Variants in CBARP observed in about 807,000 individuals in gnomAD.
The protein encoded by CBARP is voltage-dependent calcium channel beta subunit-associated regulatory protein.
CBARP carries 24 observed loss-of-function variants against 36.3 expected under a neutral mutation model. The observed-to-expected ratio is 0.66, with a 90% CI of 0.48 to 0.93. The LOEUF (loss-of-function observed/expected upper bound fraction) is 0.93, where lower values mean the gene tolerates loss of function less well. CBARP is among the 40% of genes least tolerant of loss of function. The pLI is 0.00. For missense variants in CBARP, 1,146 were observed against 980.4 expected (o/e 1.17, Z -2.26); for synonymous variants, 586 against 453.2 (o/e 1.29, Z -3.72).
At chr19:1,230,969 G>A in intron 9 of CBARP, 132 bp downstream of exon 9, 1 of 1,565,414 alleles carries the variant, frequency 6.4e-7, no homozygotes, top group Non-Finnish European at 8.7e-7. Context: ...TCTGGGAGGG[G>A]CCTTGCCGCT....
At chr19:1,234,841 G>A in intron 5 of CBARP, 99 bp from the exon 6 acceptor site, 1 of 1,518,550 alleles carries the variant, frequency 6.6e-7, no homozygotes, top group South Asian at 1.3e-5. Flanking sequence ...GGCAGGGGCA[G>A]GCGAAAGGGG....
At chr19:1,234,539 C>A in intron 6 of CBARP, 32 bp downstream of exon 6, 1 of 1,570,042 alleles carries the variant, frequency 6.4e-7, no homozygotes, top group Non-Finnish European at 8.6e-7. Context: ...TCCCGTCCCC[C>A]GAGGAACCGG....
intron 9 of CBARP, chr19:1,230,578 G>C: frequency 8.7e-7 from 1 of 1,151,016 alleles, no homozygotes; most frequent in South Asian, 3.8e-5. Flanking sequence ...GTGCACAGAC[G>C]TGAGGGTCAC....
In CBARP at chr19:1,233,465, G is replaced by C. The variant is rs1364562964; in HGVS notation, c.940C>G (p.Leu314Val). The C allele has an allele frequency of 1.9e-6, 3 of 1,601,912 alleles. No individual in the cohort carries two copies. Among genetic ancestry groups the C allele is most frequent in the African/African-American group, 2.7e-5 (2 of 74,816 alleles). Residue 314 changes from leucine (L) to valine (V), a missense_variant, in exon 8 of 10, where the codon CTG becomes GTG. Leu to Val is a conservative substitution (Grantham distance 32). Transcript: ENST00000650044. ...SPYFKVKKWK[L>V]EPSQRAASLD... ...CTGGCTGCCCGCTGGCTGGGCTCCA[G>C]CTTCCACTTCTTGACCTTGAAATAG...
chr19:1,229,479 G>C lies in CBARP; in HGVS notation c.1818C>G (p.Ala606=). 3.1e-6 allele frequency: 3 copies of C among 979,066 alleles called. No individual in the cohort carries two copies. Among genetic ancestry groups the C allele is most frequent in the Non-Finnish European group, 3.6e-6 (3 of 827,674 alleles). 60.6% of individuals were successfully genotyped at this position (979,066 alleles called of 1,614,324 possible). A position where few individuals can be genotyped will look rare whatever the true frequency, so the allele number is the denominator to read the frequency against. Reference sequence around the variant, plus strand: ...GCGCACGCGCGGGTCGGGCCGCGCCGGCAGGCGGTGCCGGGGTTCCGGCCA... The same window carrying C: ...GCGCACGCGCGGGTCGGGCCGCGCCCGCAGGCGGTGCCGGGGTTCCGGCCA... The part of the protein sequence containing the change: ...PALAGTPAPP[A]GAARPARAPL... Residue 606 remains alanine (A), a synonymous_variant, in exon 10 of 10, where the codon GCC becomes GCG. Transcript: ENST00000650044. The surrounding 1 kb of genome is among the most constrained non-coding windows in gnomAD (Gnocchi z 5.1).
intron 8 of CBARP, among the ~76,000 whole-genome samples, chr19:1,232,881 T>G (rs2080912372): frequency 6.6e-6 from 1 of 152,240 alleles, no homozygotes; most frequent in South Asian, 2.1e-4. Flanking sequence ...GGGAAAAGTC[T>G]GCTGACCCCT....
chr19:1,231,465 C>CACA (rs1555742349), intron 8 of CBARP, among the ~76,000 whole-genome samples, 190 bp from the exon 9 acceptor site: 1 of 114,772 alleles, frequency 8.7e-6, no homozygotes, highest in East Asian at 3.3e-4. Context: ...TGGGCCCCCC[C>CACA]CACACACAGA....
intron 7 of CBARP, 106 bp from the exon 8 acceptor site, chr19:1,233,742 A>G: frequency 9.1e-7 from 1 of 1,102,174 alleles, no homozygotes; most frequent in South Asian, 1.6e-5. Flanking sequence ...GCCCCCCATC[A>G]CTGGGACAGA....
In CBARP at chr19:1,231,176, A is replaced by C; in HGVS notation, c.1079T>G (p.Ile360Ser). ...GGCCACGGCGTCGCCCGCCCGGGCA[A>C]TGTACTGGATGAAGTCCTCCTGGGG... Reference protein sequence around the residue: ...DAPQEDFIQYIARAGDAVAFP... With the variant: ...DAPQEDFIQYSARAGDAVAFP... Residue 360 changes from isoleucine (I) to serine (S), a missense_variant, in exon 9 of 10, where the codon ATT becomes AGT. Ile to Ser is a moderately radical substitution (Grantham distance 142). Coordinates refer to ENST00000650044, the MANE Select transcript of CBARP (RefSeq NM_001393918.1). 3 of 1,602,182 alleles carry C rather than the reference A, an allele frequency of 1.9e-6. No homozygotes were observed. The highest frequency in any genetic ancestry group is 2.5e-6 in the Non-Finnish European group (3 of 1,176,878).
intron 4 of CBARP, 68 bp downstream of exon 4, chr19:1,235,433 A>G: frequency 2.1e-6 from 3 of 1,462,736 alleles, no homozygotes; most frequent in Non-Finnish European, 2.8e-6. Context: ...AGGCAGCCCG[A>G]GGGGGCGGCG....
Position 1,229,315 on chromosome 19 carries a change from G to A in CBARP, c.1982C>T (p.Pro661Leu). The change falls in exon 10 of 10, where the codon CCA becomes CTA. Residue 661 changes from proline to leucine, a missense_variant. Physicochemically the swap from Pro to Leu is moderately conservative, Grantham distance 98. Transcript: ENST00000650044. This position sits in a 1 kb window ranked among gnomAD's most constrained non-coding sequence, Gnocchi z 5.1. Reference protein sequence around the residue: ...GCPGSGLCVLPSGSVLDKLAA... With the variant: ...GCPGSGLCVLLSGSVLDKLAA... ...CAGCTTGTCCAGCACCGACCCGGAT[G>A]GTAGGACGCACAGGCCCGAGCCGGG... 1.6e-6 allele frequency: 2 copies of A among 1,252,166 alleles called. No individual in the cohort carries two copies. The highest frequency in any genetic ancestry group is 2.1e-6 in the Non-Finnish European group (2 of 974,582). The allele number at this position is 1,252,166 out of a possible 1,614,324, so 77.6% of individuals were successfully genotyped here.
intron 8 of CBARP, among the ~76,000 whole-genome samples, chr19:1,233,118 C>T (rs912605672): frequency 1.2e-4 from 19 of 152,194 alleles, no homozygotes; most frequent in Non-Finnish European, 2.6e-4. Context: ...AGGTGGCCCC[C>T]GACACCCTCC....
chr19:1,236,175 C>T lies in CBARP; in HGVS notation c.-21-54G>A. 3 of 1,366,018 alleles carry T rather than the reference C, an allele frequency of 2.2e-6. No individual in the cohort carries two copies. The South Asian group carries it at 5.3e-5, about 24-fold the overall frequency. The allele number at this position is 1,366,018 out of a possible 1,614,324, so 84.6% of individuals were successfully genotyped here. A position where few individuals can be genotyped will look rare whatever the true frequency, so the allele number is the denominator to read the frequency against. ...GCTAGACCTACTTCTCCTGCAGGAG[C>T]CACTGCAGACAAGCTGGGTCTTCCC... On this transcript the variant is annotated intron_variant, in intron 1 of 9. Coordinates refer to ENST00000650044, the MANE Select transcript of CBARP (RefSeq NM_001393918.1).
At position 1,234,254 on chromosome 19, in the gene CBARP, C is replaced by A. The variant is rs778145931; in HGVS notation, c.705G>T (p.Ala235=). 8.1e-6 allele frequency: 12 copies of A among 1,478,576 alleles called. 1 individual carries two copies. In the South Asian group the frequency reaches 1.4e-4, roughly 17 times the overall value. 91.6% of individuals were successfully genotyped at this position (1,478,576 alleles called of 1,614,324 possible). Residue 235 remains alanine, a synonymous_variant, in exon 7 of 10, where the codon GCG becomes GCT. Coordinates refer to ENST00000650044, the MANE Select transcript of CBARP (RefSeq NM_001393918.1). ...TGATCTCTGCGAAGTCAGTGGCGCCCGCGGCTGAGTTGTAGGGGTCACCTG... is the reference window on the plus strand; with the variant it reads ...TGATCTCTGCGAAGTCAGTGGCGCCAGCGGCTGAGTTGTAGGGGTCACCTG... ...ALPGDPYNSA[A]GATDFAEISP...
intron 4 of CBARP, 66 bp downstream of exon 4, chr19:1,235,435 G>A (rs969212452): frequency 1.2e-5 from 18 of 1,469,774 alleles, no homozygotes; most frequent in Admixed American, 2.5e-5. Flanking sequence ...GCAGCCCGAG[G>A]GGGCGGCGGG....
intron 5 of CBARP, 98 bp downstream of exon 5, chr19:1,234,903 C>A (rs552372325): frequency 6.6e-7 from 1 of 1,512,352 alleles, no homozygotes; most frequent in Non-Finnish European, 8.9e-7. Context: ...GGAGCCTCTG[C>A]CTTGGTCCCT....
intron 8 of CBARP, among the ~76,000 whole-genome samples, chr19:1,233,095 C>T (rs965565827): frequency 1.3e-5 from 2 of 152,242 alleles, no homozygotes; most frequent in African/African-American, 2.4e-5. Context: ...ACCCTCTGCG[C>T]TCCACAGTGA....
chr19:1,229,247 C>T lies in CBARP; in HGVS notation c.2050G>A (p.Glu684Lys). Residue 684 changes from glutamate to lysine, a missense_variant, in exon 10 of 10, where the codon GAG (glutamate) becomes AAG (lysine). By Grantham distance (56) the Glu-to-Lys change is moderately conservative. Coordinates refer to ENST00000650044, the MANE Select transcript of CBARP (RefSeq NM_001393918.1). The surrounding 1 kb of genome is among the most constrained non-coding windows in gnomAD (Gnocchi z 5.1). The part of the protein sequence containing the change: ...DERLFPPRLA[E>K]PVVATPALVA... The stretch of plus-strand genomic sequence containing the variant: ...AACGCGGGAGTCGCCACGACGGGCT[C>T]GGCGAGGCGCGGCGGAAAGAGTCTC... 1.6e-6 allele frequency: 2 copies of T among 1,239,526 alleles called. No individual in the cohort carries two copies. The highest frequency in any genetic ancestry group is 2.1e-6 in the Non-Finnish European group (2 of 966,904). 76.8% of individuals were successfully genotyped at this position (1,239,526 alleles called of 1,614,324 possible).
intron 9 of CBARP, chr19:1,230,464 G>A (rs1356591579): frequency 1.0e-6 from 1 of 996,730 alleles, no homozygotes; most frequent in Non-Finnish European, 1.2e-6. Flanking sequence ...CCCAGTGGAC[G>A]TGGGAGCCGC....
Sources: gnomAD v4.1 joint callset for allele counts (sites outside exome capture counted in the v4.1 genomes callset) on GRCh38, gnomAD v4.1.1 for gene constraint, Gnocchi (gnomAD v3.1) non-coding constraint, MANE v1.5 for transcripts, NCBI Gene and HGNC (gene_info 2026-07-23, HGNC 2026-07-21) for gene names.